The following SEMA6D variants were observed in gnomAD, a reference collection of about 807,000 sequenced individuals.
SEMA6D encodes the protein semaphorin-6D.
SEMA6D carries 35 observed loss-of-function variants against 106.6 expected under a neutral mutation model. That is an observed-to-expected ratio of 0.33 (90% CI 0.25 to 0.44). The LOEUF (loss-of-function observed/expected upper bound fraction) is 0.44. SEMA6D is among the 20% of genes least tolerant of loss of function. The pLI, the probability that SEMA6D is intolerant of heterozygous loss-of-function variation, is 1.00. For synonymous variants in SEMA6D, 499 were observed against 487.7 expected (o/e 1.02, Z -0.31); for missense variants, 1,185 against 1,345.9 (o/e 0.88, Z 1.87).
At chr15:47,382,036 T>A (rs1011610144) in intron 1 of SEMA6D, among the ~76,000 whole-genome samples, 1 of 152,164 alleles carries the variant, frequency 6.6e-6, no homozygotes, top group African/African-American at 2.4e-5. Context: ...GCTTTTCTTC[T>A]TGGCAAGGAA....
intron 3 of SEMA6D, among the ~76,000 whole-genome samples, chr15:47,544,964 C>G (rs2045472484): frequency 1.3e-5 from 2 of 151,908 alleles, no homozygotes; most frequent in Non-Finnish European, 2.9e-5. Flanking sequence ...AATTTCTAAA[C>G]CTGGAGAAGG....
chr15:47,760,567 A>C, intron 3 of SEMA6D, 152 bp downstream of exon 3: 2 of 626,462 alleles, frequency 3.2e-6, no homozygotes, highest in South Asian at 4.2e-5. Flanking sequence ...AGTGTTGTGT[A>C]CCGGGAACAA....
intron 1 of SEMA6D, among the ~76,000 whole-genome samples, chr15:47,270,012 G>A (rs1408100568): frequency 6.6e-6 from 1 of 151,372 alleles, no homozygotes; most frequent in Non-Finnish European, 1.5e-5. Flanking sequence ...AATTTATTTA[G>A]ATCTTTAGTT....
chr15:47,413,112 T>G (rs551105196), intron 2 of SEMA6D, among the ~76,000 whole-genome samples: 1 of 152,260 alleles, frequency 6.6e-6, no homozygotes, highest in South Asian at 2.1e-4. Context: ...AGTCTCCCAC[T>G]CCTCTGTGTG....
chr15:47,407,396 ACAACAAC>A (rs2040619371), intron 1 of SEMA6D, among the ~76,000 whole-genome samples: 2 of 138,066 alleles, frequency 1.4e-5, no homozygotes, highest in Non-Finnish European at 3.2e-5. Context: ...AACCAAAACA[ACAACAAC>A]AACAACAAAA....
chr15:47,760,241 G>A, intron 2 of SEMA6D, 63 bp from the exon 3 acceptor site: 2 of 1,134,436 alleles, frequency 1.8e-6, no homozygotes, highest in East Asian at 2.4e-5. Context: ...GCTAATCAAT[G>A]CTGTTTATTG....
intron 3 of SEMA6D, among the ~76,000 whole-genome samples, chr15:47,580,026 T>A (rs75129868): frequency 0.011 from 1,734 of 152,278 alleles, 39 homozygotes; most frequent in African/African-American, 0.04. Flanking sequence ...GCTAGAAAAT[T>A]TCTCTGAAAT....
intron 1 of SEMA6D, among the ~76,000 whole-genome samples, chr15:47,734,212 A>G (rs1332420234): frequency 6.6e-6 from 1 of 152,264 alleles, no homozygotes; most frequent in Non-Finnish European, 1.5e-5. Flanking sequence ...GTATAGAAGC[A>G]TCTTACTCAC....
intron 2 of SEMA6D, among the ~76,000 whole-genome samples, chr15:47,438,875 A>C (rs2041802293): frequency 6.6e-6 from 1 of 152,044 alleles, no homozygotes; most frequent in Admixed American, 6.6e-5. Context: ...TCTGGAACAG[A>C]ATCTGTCGCA....
chr15:47,668,427 G>T (rs1012658836), intron 4 of SEMA6D, among the ~76,000 whole-genome samples: 3 of 152,090 alleles, frequency 2.0e-5, no homozygotes, highest in Non-Finnish European at 4.4e-5. Flanking sequence ...AACATCTTGG[G>T]TATAAAGAGC....
chr15:47,378,418 C>G (rs574733313), intron 1 of SEMA6D, among the ~76,000 whole-genome samples: 2 of 152,264 alleles, frequency 1.3e-5, no homozygotes, highest in South Asian at 4.1e-4. Context: ...ATTGCTTGAA[C>G]CTGGAAGGCA....
chr15:47,578,614 A>G (rs563459207), intron 3 of SEMA6D, among the ~76,000 whole-genome samples: 1 of 152,260 alleles, frequency 6.6e-6, no homozygotes, highest in South Asian at 2.1e-4. Context: ...AAAAGGAGTA[A>G]CACAAATTTG....
intron 3 of SEMA6D, chr15:47,527,584 G>A (rs971337180): frequency 2.6e-5 from 4 of 152,274 alleles, no homozygotes; most frequent in African/African-American, 9.6e-5. Flanking sequence ...CATAAAATAA[G>A]GAAGATAATT....
chr15:47,269,650 T>C (rs1018481120), intron 1 of SEMA6D, among the ~76,000 whole-genome samples: 1 of 152,120 alleles, frequency 6.6e-6, no homozygotes, highest in Non-Finnish European at 1.5e-5. Context: ...GTTTATCAGC[T>C]GCATTTCTAA....
intron 1 of SEMA6D, among the ~76,000 whole-genome samples, chr15:47,234,715 T>C (rs1244157049): frequency 1.3e-5 from 2 of 152,100 alleles, no homozygotes; most frequent in Admixed American, 1.3e-4. Flanking sequence ...CCATGGTGTA[T>C]ATATTATCAC....
At chr15:47,746,321 G>T (rs1333269544) in intron 1 of SEMA6D, among the ~76,000 whole-genome samples, 1 of 152,160 alleles carries the variant, frequency 6.6e-6, no homozygotes, top group Non-Finnish European at 1.5e-5. Context: ...AAATCCCATT[G>T]TTGTTGGCAG....
At chr15:47,415,731 G>A (rs1031035323) in intron 2 of SEMA6D, among the ~76,000 whole-genome samples, 2 of 152,110 alleles carry the variant, frequency 1.3e-5, no homozygotes, top group Non-Finnish European at 1.5e-5. Context: ...TATGAGTTGG[G>A]GGTGGGGGGA....
chr15:47,766,463 C>A, intron 15 of SEMA6D, 153 bp from the exon 16 acceptor site: 1 of 688,406 alleles, frequency 1.5e-6, no homozygotes, highest in South Asian at 2.1e-5. Flanking sequence ...CAGAAATAGT[C>A]ATTTTAGCAA....
rs551033611 is a variant in SEMA6D at position 47,643,641 on chromosome 15, T to C, written c.-55+42745T>C. Among the ~76,000 whole-genome samples, 19 of 152,338 alleles carry C rather than the reference T, an allele frequency of 1.2e-4. 1 individual carries two copies. In the South Asian group the frequency reaches 3.7e-3, roughly 30 times the overall value. On this transcript the variant is annotated intron_variant, in intron 4 of 19. Coordinates refer to the SEMA6D transcript ENST00000558014. ...AGCATGTCTTTTTATTGACAGGCAGTAGTCGTACATATCATGGAGTACAAA... is the reference window on the plus strand; with the variant it reads ...AGCATGTCTTTTTATTGACAGGCAGCAGTCGTACATATCATGGAGTACAAA...
Sources: allele counts gnomAD v4.1 joint callset (sites outside exome capture counted in the v4.1 genomes callset), GRCh38; gene constraint gnomAD v4.1.1; transcripts MANE v1.5; gene names NCBI Gene and HGNC (gene_info 2026-07-23, HGNC 2026-07-21).